NCAPH: variants seen among roughly 807,000 people sequenced by gnomAD.
NCAPH encodes condensin complex subunit 2.
A neutral mutation model predicts 85.5 loss-of-function variants in NCAPH; 38 were observed. That is an observed-to-expected ratio of 0.44 (90% confidence interval 0.34 to 0.58). The LOEUF is 0.58. NCAPH is among the 20% of genes least tolerant of loss of function. The pLI is 0.01. For synonymous variants in NCAPH, 301 were observed against 335.1 expected (o/e 0.90, Z 1.11); for missense variants, 789 against 916.6 (o/e 0.86, Z 1.80).
At chr2:96,364,368 C>A in intron 12 of NCAPH, 113 bp from the exon 13 acceptor site, 1 of 704,248 alleles carries the variant, frequency 1.4e-6, no homozygotes, top group Non-Finnish European at 2.3e-6. Flanking sequence ...CCTTCTGACT[C>A]TAAAATTGTA....
intron 12 of NCAPH, among the ~76,000 whole-genome samples, chr2:96,362,538 G>A (rs972682935): frequency 2.0e-5 from 3 of 151,810 alleles, no homozygotes; most frequent in Non-Finnish European, 2.9e-5. Context: ...GGTGAGGCAC[G>A]AGAATCACTG....
intron 7 of NCAPH, 47 bp downstream of exon 7, chr2:96,352,067 A>T: frequency 6.6e-7 from 1 of 1,521,268 alleles, no homozygotes; most frequent in South Asian, 1.3e-5. Flanking sequence ...GTCATTGGGG[A>T]ATTTTTTTAC....
intron 5 of NCAPH, among the ~76,000 whole-genome samples, chr2:96,343,774 C>T (rs559140012): frequency 1.0e-3 from 154 of 151,282 alleles, no homozygotes; most frequent in Non-Finnish European, 1.9e-3. Flanking sequence ...GATCTGGGCT[C>T]ACGGCAGCCT....
At chr2:96,346,099 G>GC (rs2064357657) in intron 6 of NCAPH, among the ~76,000 whole-genome samples, 1 of 152,202 alleles carries the variant, frequency 6.6e-6, no homozygotes, top group Non-Finnish European at 1.5e-5. Flanking sequence ...TTGCCAGGCT[G>GC]ATGTCCTTGC....
Position 96,354,626 on chromosome 2 carries a change from C to T in NCAPH, c.1208+238C>T, listed in dbSNP as rs561589164. Among the ~76,000 whole-genome samples the T allele has an allele frequency of 7.2e-5, 11 of 152,186 alleles. 1 individual carries two copies. In the South Asian group the frequency reaches 2.3e-3, roughly 32 times the overall value. On this transcript the variant is annotated intron_variant, in intron 9 of 17. Coordinates refer to ENST00000240423, the MANE Select transcript of NCAPH (RefSeq NM_015341.5). The stretch of plus-strand genomic sequence containing the variant: ...AGGTGTGAGCCACCATGCCTGGGCA[C>T]TATCAGTTCTTAACAGATTTCCTGC...
chr2:96,355,294 C>A (rs2064508351), intron 9 of NCAPH, among the ~76,000 whole-genome samples: 1 of 152,118 alleles, frequency 6.6e-6, no homozygotes, highest in African/African-American at 2.4e-5. Flanking sequence ...TAGGAGATTT[C>A]ATGAGATTAG....
chr2:96,344,225 G>A lies in NCAPH; in HGVS notation c.716G>A (p.Cys239Tyr). ...NLNVSEADRK[C>Y]EIDPMFQKTA... The stretch of plus-strand genomic sequence containing the variant: ...AATGTCTCCGAAGCAGATCGGAAGT[G>A]TGAGGTGAGGAACTGTATGCGCAGT... The change falls in exon 6 of 18, where the codon TGT (cysteine) becomes TAT (tyrosine). Residue 239 changes from cysteine to tyrosine, a missense_variant. Coordinates refer to ENST00000240423, the MANE Select transcript of NCAPH (RefSeq NM_015341.5). 6.2e-7 allele frequency: 1 copy of A among 1,608,130 alleles called. No homozygotes were observed. Among genetic ancestry groups the A allele is most frequent in the East Asian group, 2.2e-5 (1 of 44,780 alleles).
chr2:96,360,113 G>A (rs1405639343), intron 10 of NCAPH, 30 bp from the exon 11 acceptor site: 1 of 1,242,832 alleles, frequency 8.0e-7, no homozygotes, highest in African/African-American at 1.5e-5. Flanking sequence ...CCACAGAAGT[G>A]AAGTGCTGAC....
At position 96,344,138 on chromosome 2, in the gene NCAPH, A is replaced by C; in HGVS notation, c.629A>C (p.Lys210Thr). Residue 210 changes from lysine to threonine, a missense_variant, in exon 6 of 18, where the codon AAG becomes ACG. Lys to Thr is a moderately conservative substitution (Grantham distance 78). Transcript: ENST00000240423. ...GCTACTGAAATGGGAACAACCAAAAAGGCTGTAAAGCCAAAGAAGAAGCAC... is the reference window on the plus strand; with the variant it reads ...GCTACTGAAATGGGAACAACCAAAACGGCTGTAAAGCCAAAGAAGAAGCAC... ...GSATEMGTTKKAVKPKKKHLH... is the reference protein window; with the variant it reads ...GSATEMGTTKTAVKPKKKHLH... The C allele has an allele frequency of 2.5e-6, 4 of 1,613,566 alleles. No individual in the cohort carries two copies. Among genetic ancestry groups the C allele is most frequent in the Non-Finnish European group, 3.4e-6 (4 of 1,179,858 alleles).
At position 96,365,830 on chromosome 2, in the gene NCAPH, C is replaced by T. The variant is rs2064689876; in HGVS notation, c.1699-46C>T. 5 of 1,595,286 alleles carry T rather than the reference C, an allele frequency of 3.1e-6. No homozygotes were observed. In the East Asian group the frequency reaches 1.1e-4, roughly 36 times the overall value. The stretch of plus-strand genomic sequence containing the variant: ...AGTCTATTTCAAGGGTGTTTCTGAG[C>T]TCCTCTGCAGCGTCCACCAAACTCG... On this transcript the variant is annotated intron_variant, in intron 13 of 17. Coordinates refer to ENST00000240423, the MANE Select transcript of NCAPH (RefSeq NM_015341.5).
intron 6 of NCAPH, among the ~76,000 whole-genome samples, chr2:96,349,168 C>T (rs146111942): frequency 4.6e-5 from 7 of 152,236 alleles, no homozygotes; most frequent in East Asian, 3.9e-4. Context: ...GGGCTGATTT[C>T]GCTAAGCCTG....
intron 17 of NCAPH, among the ~76,000 whole-genome samples, chr2:96,372,370 G>A (rs2064785509): frequency 6.6e-6 from 1 of 152,072 alleles, no homozygotes; most frequent in African/African-American, 2.4e-5. Context: ...CCATGGATGG[G>A]GCATTGGGGC....
At chr2:96,354,971 A>G (rs575346613) in intron 9 of NCAPH, among the ~76,000 whole-genome samples, 16 of 152,232 alleles carry the variant, frequency 1.1e-4, no homozygotes, top group Admixed American at 9.2e-4. Context: ...TAAGCCACCA[A>G]TTTACCACCT....
intron 12 of NCAPH, among the ~76,000 whole-genome samples, chr2:96,362,011 A>G (rs1017413163): frequency 2.4e-4 from 37 of 151,570 alleles, no homozygotes; most frequent in Admixed American, 6.6e-4. Context: ...CCCAAAGTAC[A>G]GGGATTACAG....
intron 10 of NCAPH, 79 bp from the exon 11 acceptor site, chr2:96,360,064 G>GCT: frequency 1.2e-6 from 1 of 823,788 alleles, no homozygotes; most frequent in Non-Finnish European, 2.1e-6. Flanking sequence ...CCTTGATAAG[G>GCT]CTGTCAGCAG....
At chr2:96,362,566 G>GT (rs2064639535) in intron 12 of NCAPH, among the ~76,000 whole-genome samples, 2 of 147,114 alleles carry the variant, frequency 1.4e-5, no homozygotes, top group South Asian at 5.1e-4. Context: ...AGAGGTGGAG[G>GT]TTGCAGTGAA....
rs950305411 is a variant in NCAPH, at chr2:96,339,590, C to CA, written c.20-2033dup. Among the ~76,000 whole-genome samples the CA allele has an allele frequency of 9.4e-3, 612 of 65,146 alleles. 6 individuals are homozygous for CA. The highest frequency in any genetic ancestry group is 0.021 in the East Asian group (46 of 2,180). 42.7% of individuals were successfully genotyped at this position (65,146 alleles called of 152,430 possible). ...TGGGGGACAAAGCAAGACTCTGTCT[C>CA]AAAAAAAAAAAAAAAAAAAGAGAAG... On this transcript the variant is annotated intron_variant, in intron 1 of 17. Coordinates refer to ENST00000240423, the MANE Select transcript of NCAPH (RefSeq NM_015341.5).
chr2:96,338,052 G>A (rs543709259), intron 1 of NCAPH, among the ~76,000 whole-genome samples: 2 of 151,438 alleles, frequency 1.3e-5, no homozygotes, highest in Non-Finnish European at 2.9e-5. Context: ...TCAGCCTACC[G>A]AGTAGCTGGG....
intron 17 of NCAPH, among the ~76,000 whole-genome samples, chr2:96,369,722 T>C (rs1000506256): frequency 6.6e-6 from 1 of 152,098 alleles, no homozygotes; most frequent in African/African-American, 2.4e-5. Flanking sequence ...ACCCAAATAG[T>C]AAGATTTTAG....
Sources: gnomAD v4.1 joint callset for allele counts (sites outside exome capture counted in the v4.1 genomes callset) on GRCh38, gnomAD v4.1.1 for gene constraint, MANE v1.5 for transcripts, NCBI Gene and HGNC (gene_info 2026-07-23, HGNC 2026-07-21) for gene names.